Variants in NREP observed in about 807,000 individuals in gnomAD.
NREP encodes the protein neuronal regeneration-related protein.
A neutral mutation model predicts 8.6 loss-of-function variants in NREP; 5 were observed. That is an observed-to-expected ratio of 0.58 (90% CI 0.30 to 1.22). The LOEUF is 1.22. Among genes scored for constraint, NREP ranks in the 50% most tolerant of loss-of-function variants. The probability of loss-of-function intolerance (pLI) is 0.07; values close to 1 mark genes in which losing one functional copy is unlikely to be tolerated. For missense variants in NREP, 86 were observed against 82.5 expected (o/e 1.04, Z -0.17); for synonymous variants, 27 against 28.0 (o/e 0.96, Z 0.11).
At chr5:111,806,790 T>C (rs565661875) in intron 2 of NREP, among the ~76,000 whole-genome samples, 13 of 152,268 alleles carry the variant, frequency 8.5e-5, no homozygotes, top group African/African-American at 2.6e-4. Context: ...GTCTCGGAAA[T>C]GAACTAAAGT....
At chr5:111,767,404 A>G (rs1751111030) in intron 2 of NREP, among the ~76,000 whole-genome samples, 1 of 152,150 alleles carries the variant, frequency 6.6e-6, no homozygotes, top group Non-Finnish European at 1.5e-5. Context: ...TCTCTCTAAC[A>G]CAGACATCTT....
intron 2 of NREP, among the ~76,000 whole-genome samples, chr5:111,896,455 G>C (rs1041907972): frequency 2.0e-5 from 3 of 152,182 alleles, no homozygotes; most frequent in African/African-American, 7.2e-5. Context: ...TTGGGTACTT[G>C]AGTCTAAAGG....
At chr5:111,942,655 C>A (rs76197564) in intron 2 of NREP, among the ~76,000 whole-genome samples, 15,006 of 151,898 alleles carry the variant, frequency 0.099, 1,139 homozygotes, top group African/African-American at 0.21. Context: ...AAAAAAACAG[C>A]ATCAGATAAT....
intron 2 of NREP, among the ~76,000 whole-genome samples, chr5:111,765,021 C>G (rs1397230954): frequency 6.6e-6 from 1 of 152,266 alleles, no homozygotes; most frequent in East Asian, 1.9e-4. Flanking sequence ...AGGATCACAG[C>G]TCTAGTTAAT....
chr5:111,788,597 G>A (rs1751669571), intron 2 of NREP, among the ~76,000 whole-genome samples: 1 of 152,176 alleles, frequency 6.6e-6, no homozygotes, highest in Non-Finnish European at 1.5e-5. Flanking sequence ...AGACAGCCAG[G>A]CGTTCACTTC....
rs527915060 is a variant in NREP, at chr5:111,786,615, T to A, written c.136-51108A>T. 3.5e-4 allele frequency among the ~76,000 whole-genome samples: 54 copies of A among 152,344 alleles called. No homozygotes were observed. In the South Asian group the frequency reaches 3.9e-3, roughly 11 times the overall value. ...ATTTGAGAAGCCTTTCCCACTCTTG[T>A]CACTTTCCTCTGGATATGTCAGGTA... On this transcript the variant is annotated intron_variant, in intron 2 of 3. Transcript: ENST00000395634.
intron 2 of NREP, among the ~76,000 whole-genome samples, chr5:111,790,103 C>G (rs1453968359): frequency 6.6e-6 from 1 of 151,946 alleles, no homozygotes. Flanking sequence ...GAAAAAGGAG[C>G]AAAGACCATA....
At chr5:111,811,704 G>T (rs927518832) in intron 2 of NREP, among the ~76,000 whole-genome samples, 1 of 152,062 alleles carries the variant, frequency 6.6e-6, no homozygotes, top group Non-Finnish European at 1.5e-5. Context: ...CAAAACTTTT[G>T]TTCAGAACTA....
chr5:111,750,754 G>A (rs1419161785), intron 2 of NREP, among the ~76,000 whole-genome samples: 1 of 152,136 alleles, frequency 6.6e-6, no homozygotes, highest in Admixed American at 6.5e-5. Flanking sequence ...GCTCCTCTTG[G>A]GTCCAGGCTG....
chr5:111,915,449 T>A (rs1484384072), intron 2 of NREP, among the ~76,000 whole-genome samples: 1 of 151,862 alleles, frequency 6.6e-6, no homozygotes, highest in African/African-American at 2.4e-5. Flanking sequence ...GTCATTTTGG[T>A]GAGGCTACTA....
At chr5:111,820,022 G>T (rs752837976) in intron 2 of NREP, among the ~76,000 whole-genome samples, 1 of 151,952 alleles carries the variant, frequency 6.6e-6, no homozygotes, top group Non-Finnish European at 1.5e-5. Flanking sequence ...TCAGATTTTT[G>T]AGCTCTCCTC....
chr5:111,834,627 T>C (rs763286288), intron 2 of NREP, among the ~76,000 whole-genome samples: 8 of 152,156 alleles, frequency 5.3e-5, no homozygotes, highest in Non-Finnish European at 7.3e-5. Context: ...CAGAATGTAA[T>C]TGAAAAAATG....
At chr5:111,945,211 A>T (rs1755942596) in intron 2 of NREP, among the ~76,000 whole-genome samples, 2 of 152,134 alleles carry the variant, frequency 1.3e-5, no homozygotes, top group Non-Finnish European at 2.9e-5. Context: ...TAAATGATAA[A>T]GTCTAATGCT....
rs546782298 is a variant in NREP, at chr5:111,743,955, G to T, written c.4-8448C>A. Reference sequence around the variant, plus strand: ...TGAAAGAATAATTATTCAAAAATACGATTTCTTTTGTTAAAGCCTTCAGTT... The same window carrying T: ...TGAAAGAATAATTATTCAAAAATACTATTTCTTTTGTTAAAGCCTTCAGTT... On this transcript the variant is annotated intron_variant, in intron 2 of 3. Coordinates refer to ENST00000257435, the MANE Select transcript of NREP (RefSeq NM_004772.4). Among the ~76,000 whole-genome samples the T allele has an allele frequency of 3.9e-5, 6 of 152,122 alleles. No individual in the cohort carries two copies. The East Asian group carries it at 1.2e-3, about 29-fold the overall frequency.
intron 2 of NREP, among the ~76,000 whole-genome samples, chr5:111,957,682 A>G (rs986859701): frequency 2.6e-5 from 4 of 151,752 alleles, no homozygotes; most frequent in African/African-American, 9.7e-5. Flanking sequence ...AGCAAGTCCA[A>G]CTTCATGTGT....
chr5:111,878,423 A>C (rs1322888580), intron 2 of NREP, among the ~76,000 whole-genome samples: 1 of 151,996 alleles, frequency 6.6e-6, no homozygotes, highest in Non-Finnish European at 1.5e-5. Flanking sequence ...CACTTATAAA[A>C]CCATCATACC....
chr5:111,869,851 T>G (rs1290006372), intron 2 of NREP, among the ~76,000 whole-genome samples: 2 of 152,142 alleles, frequency 1.3e-5, no homozygotes, highest in Admixed American at 6.5e-5. Flanking sequence ...GTTGAGCAAA[T>G]GTAAGAAATG....
At chr5:111,750,171 G>C (rs1051365313) in intron 2 of NREP, among the ~76,000 whole-genome samples, 2 of 152,118 alleles carry the variant, frequency 1.3e-5, no homozygotes, top group Non-Finnish European at 2.9e-5. Context: ...TCTCCCCTAT[G>C]ATAGTAAAAA....
chr5:111,745,417 C>CT (rs1322531365), intron 2 of NREP, among the ~76,000 whole-genome samples: 1 of 152,114 alleles, frequency 6.6e-6, no homozygotes. Context: ...CAGTTTTTTT[C>CT]TTTTTTCAAT....
Sources: allele counts gnomAD v4.1 joint callset (sites outside exome capture counted in the v4.1 genomes callset), GRCh38; gene constraint gnomAD v4.1.1; transcripts MANE v1.5; gene names NCBI Gene and HGNC (gene_info 2026-07-23, HGNC 2026-07-21).